CLVS1: variants seen among roughly 807,000 people sequenced by gnomAD.
CLVS1 encodes clavesin 1.
A neutral mutation model predicts 33.1 loss-of-function variants in CLVS1; 10 were observed. The observed-to-expected ratio is 0.30, with a 90% confidence interval of 0.19 to 0.51. The LOEUF is 0.51. Ranked by LOEUF, CLVS1 falls within the 20% of genes least tolerant of loss-of-function variation. The probability of loss-of-function intolerance (pLI) is 0.97; values close to 1 mark genes in which losing one functional copy is unlikely to be tolerated. For missense variants in CLVS1, 343 were observed against 433.4 expected, an observed-to-expected ratio of 0.79 and a Z score of 1.85; for synonymous variants, 163 against 166.1, an observed-to-expected ratio of 0.98 and a Z score of 0.14.
At chr8:61,228,898 G>A (rs531470415) in intron 2 of CLVS1, among the ~76,000 whole-genome samples, 13 of 151,944 alleles carry the variant, frequency 8.6e-5, no homozygotes, top group African/African-American at 2.2e-4. Context: ...CATTTCTTTC[G>A]GATATATATA....
intron 1 of CLVS1, among the ~76,000 whole-genome samples, chr8:61,112,808 T>C (rs17830578): frequency 0.18 from 27,054 of 152,068 alleles, 2,571 homozygotes; most frequent in Admixed American, 0.3. Flanking sequence ...CCTTTTTTTT[T>C]AGTCTGTAAA....
chr8:61,461,440 C>T (rs1817362019), intron 5 of CLVS1, among the ~76,000 whole-genome samples: 1 of 152,146 alleles, frequency 6.6e-6, no homozygotes, highest in Non-Finnish European at 1.5e-5. Flanking sequence ...TTCTTAGTGC[C>T]TCAAACTAGA....
At chr8:61,240,115 T>C (rs10435604) in intron 2 of CLVS1, among the ~76,000 whole-genome samples, 25,516 of 152,206 alleles carry the variant, frequency 0.17, 3,942 homozygotes, top group East Asian at 0.68. Context: ...ACAAGATCAA[T>C]AAACAATGAG....
the CLVS1 span, among the ~76,000 whole-genome samples, chr8:61,029,412 A>C: frequency 6.6e-6 from 1 of 152,086 alleles, no homozygotes; most frequent in African/African-American, 2.4e-5. Flanking sequence ...AGCTTCTGGG[A>C]TGTGAGCAGG....
chr8:61,453,359 T>G (rs533135768), intron 3 of CLVS1, among the ~76,000 whole-genome samples: 2 of 152,214 alleles, frequency 1.3e-5, no homozygotes, highest in East Asian at 3.9e-4. Flanking sequence ...AAACATAAGC[T>G]GATCTGGATT....
intron 1 of CLVS1, among the ~76,000 whole-genome samples, chr8:61,093,151 A>G (rs541125945): frequency 3.3e-5 from 5 of 152,110 alleles, no homozygotes; most frequent in African/African-American, 9.7e-5. Flanking sequence ...CTTATACCTT[A>G]CTGTGTATAT....
At chr8:61,221,470 T>C (rs1808214723) in intron 2 of CLVS1, among the ~76,000 whole-genome samples, 1 of 152,220 alleles carries the variant, frequency 6.6e-6, no homozygotes, top group Non-Finnish European at 1.5e-5. Flanking sequence ...TGGTTCTGTT[T>C]ATGTGATGGA....
chr8:61,284,234 G>A (rs1585747617), upstream of CLVS1, among the ~76,000 whole-genome samples: 1 of 152,130 alleles, frequency 6.6e-6, no homozygotes, highest in South Asian at 2.1e-4. Context: ...CAGAGGGAGG[G>A]TAATGAGATA....
At chr8:61,118,305 G>A (rs200788527) in intron 1 of CLVS1, among the ~76,000 whole-genome samples, 2 of 150,688 alleles carry the variant, frequency 1.3e-5, no homozygotes, top group Non-Finnish European at 3.0e-5. Flanking sequence ...CAGTTTTGTT[G>A]ATCCTTTCAA....
At chr8:61,021,699 T>C in the CLVS1 span, among the ~76,000 whole-genome samples, 2 of 152,182 alleles carry the variant, frequency 1.3e-5, no homozygotes, top group Non-Finnish European at 2.9e-5. Flanking sequence ...GAATTAATTT[T>C]TCTATTTTAT....
At chr8:61,138,441 T>C (rs980062333) in intron 2 of CLVS1, among the ~76,000 whole-genome samples, 2 of 152,234 alleles carry the variant, frequency 1.3e-5, no homozygotes, top group Non-Finnish European at 2.9e-5. Context: ...GAGTGGCTGA[T>C]CAGACTTAAC....
chr8:61,149,324 G>T (rs888736987), intron 2 of CLVS1, among the ~76,000 whole-genome samples: 2 of 152,020 alleles, frequency 1.3e-5, no homozygotes, highest in African/African-American at 4.8e-5. Context: ...GGCTGAGGTG[G>T]GTGGATCACC....
At chr8:61,073,900 T>C (rs1427165349) in intron 1 of CLVS1, among the ~76,000 whole-genome samples, 1 of 149,370 alleles carries the variant, frequency 6.7e-6, no homozygotes, top group Non-Finnish European at 1.5e-5. Context: ...TAGTCCCAGC[T>C]ACTCGGGATG....
At chr8:61,180,158 A>G (rs1807201193) in intron 2 of CLVS1, among the ~76,000 whole-genome samples, 1 of 152,230 alleles carries the variant, frequency 6.6e-6, no homozygotes, top group Admixed American at 6.5e-5. Context: ...TAAAGGGGAT[A>G]TCATAACTGA....
At chr8:61,414,300 G>A (rs1371744) in intron 3 of CLVS1, among the ~76,000 whole-genome samples, 48,287 of 152,014 alleles carry the variant, frequency 0.32, 8,634 homozygotes, top group African/African-American at 0.48. Context: ...GAAAGTCTCC[G>A]TGGCTGAAGT....
At chr8:61,334,768 C>T (rs1811729138) in intron 2 of CLVS1, among the ~76,000 whole-genome samples, 1 of 152,106 alleles carries the variant, frequency 6.6e-6, no homozygotes, top group Admixed American at 6.5e-5. Context: ...CAGGTGGGAA[C>T]ACACCATTTG....
At chr8:60,983,536 A>G in the CLVS1 span, among the ~76,000 whole-genome samples, 1 of 152,186 alleles carries the variant, frequency 6.6e-6, no homozygotes, top group Non-Finnish European at 1.5e-5. Context: ...TGTCCTAGAC[A>G]CTAACCAGCA....
chr8:61,497,589 G>A (rs1804312964), intron 5 of CLVS1, among the ~76,000 whole-genome samples: 1 of 152,096 alleles, frequency 6.6e-6, no homozygotes. Flanking sequence ...GGTTTCCTCA[G>A]TATTGTCCCT....
At chr8:61,324,351 C>T (rs568759558) in intron 2 of CLVS1, among the ~76,000 whole-genome samples, 325 of 123,670 alleles carry the variant, frequency 2.6e-3, no homozygotes, top group Non-Finnish European at 5.0e-3. Flanking sequence ...GCATCCTTCT[C>T]ATTTTCTCTT....
Sources: gnomAD v4.1 joint callset for allele counts (sites outside exome capture counted in the v4.1 genomes callset) on GRCh38, gnomAD v4.1.1 for gene constraint, MANE v1.5 for transcripts, NCBI Gene and HGNC (gene_info 2026-07-23, HGNC 2026-07-21) for gene names.